XIRP2: variants seen among roughly 807,000 people sequenced by gnomAD.
XIRP2 encodes the protein xin actin binding repeat containing 2.
In XIRP2, 236 loss-of-function variants were observed where a neutral mutation model predicts 277.0. The observed-to-expected ratio is 0.85, with a 90% CI of 0.77 to 0.95. XIRP2 has a LOEUF of 0.95. Among genes scored for constraint, XIRP2 ranks in the 40% least tolerant of loss-of-function variants. XIRP2 has a pLI of 0.00. For missense variants in XIRP2, 4,640 were observed against 4,157.5 expected (o/e 1.12, Z -3.19); for synonymous variants, 1,490 against 1,416.5 (o/e 1.05, Z -1.17).
intron 3 of XIRP2, among the ~76,000 whole-genome samples, chr2:167,201,246 GAAAGAA>G (rs1693698399): frequency 2.1e-5 from 2 of 96,720 alleles, no homozygotes; most frequent in Non-Finnish European, 3.7e-5. Flanking sequence ...AAGAAAGAAA[GAAAGAA>G]AGAAAGAAAG....
chr2:167,083,861 A>G (rs577078385), intron 2 of XIRP2, among the ~76,000 whole-genome samples: 15 of 152,074 alleles, frequency 9.9e-5, no homozygotes, highest in African/African-American at 3.6e-4. Flanking sequence ...GTGGTTTTCT[A>G]GATATACAAT....
At chr2:166,955,468 T>C (rs1421326354) in intron 2 of XIRP2, among the ~76,000 whole-genome samples, 1 of 151,612 alleles carries the variant, frequency 6.6e-6, no homozygotes. Flanking sequence ...TTGAGGGGGG[T>C]GAGGGAAATG....
chr2:167,047,953 A>G (rs1239308243), intron 2 of XIRP2, among the ~76,000 whole-genome samples: 3 of 151,948 alleles, frequency 2.0e-5, no homozygotes, highest in Non-Finnish European at 4.4e-5. Context: ...AACCAAACTC[A>G]CCTCAATATT....
At chr2:167,149,559 G>A (rs917414811) in intron 3 of XIRP2, among the ~76,000 whole-genome samples, 4 of 151,990 alleles carry the variant, frequency 2.6e-5, no homozygotes, top group Admixed American at 2.6e-4. Context: ...TAGTACTTAG[G>A]CAATAGTCTG....
chr2:166,975,810 C>T (rs1686698970), intron 2 of XIRP2, among the ~76,000 whole-genome samples: 1 of 151,588 alleles, frequency 6.6e-6, no homozygotes, highest in East Asian at 2.0e-4. Context: ...CCTGTAGTCC[C>T]AGCTACTCGG....
intron 3 of XIRP2, among the ~76,000 whole-genome samples, chr2:167,155,935 C>T (rs542214866): frequency 6.7e-6 from 1 of 150,184 alleles, no homozygotes; most frequent in Non-Finnish European, 1.5e-5. Context: ...AAATCACAAG[C>T]ATTCTTATAC....
At position 167,250,614 on chromosome 2, in the gene XIRP2, T is replaced by C. The variant is rs534488626; in HGVS notation, c.9222T>C (p.Ile3074=). 1.9e-5 allele frequency: 31 copies of C among 1,612,998 alleles called. No individual in the cohort carries two copies. The East Asian group carries it at 6.5e-4, about 34-fold the overall frequency. ...ATAGTGAACAGAAAGAAAATAAAAT[T>C]GCCAAAGAGAAAACAGTACAGCACC... ...NKNSEQKENK[I]AKEKTVQHQV... The change falls in exon 9 of 11, where the codon ATT becomes ATC. Residue 3074 remains isoleucine, a synonymous_variant. Coordinates refer to ENST00000409195, the MANE Select transcript of XIRP2 (RefSeq NM_152381.6).
At chr2:167,012,729 C>T (rs1326968610) in intron 2 of XIRP2, among the ~76,000 whole-genome samples, 1 of 151,580 alleles carries the variant, frequency 6.6e-6, no homozygotes, top group Non-Finnish European at 1.5e-5. Context: ...TCATATGCCT[C>T]TCCTTTTAGT....
At chr2:166,968,998 T>A (rs982095159) in intron 2 of XIRP2, among the ~76,000 whole-genome samples, 4 of 151,946 alleles carry the variant, frequency 2.6e-5, no homozygotes, top group Non-Finnish European at 5.9e-5. Context: ...AGGCCAATGT[T>A]TGTGTCAAGA....
At chr2:166,983,523 A>G (rs544197312) in intron 2 of XIRP2, among the ~76,000 whole-genome samples, 1 of 152,290 alleles carries the variant, frequency 6.6e-6, no homozygotes, top group Non-Finnish European at 1.5e-5. Context: ...GGTATGCTAT[A>G]GACACTTAAT....
intron 3 of XIRP2, among the ~76,000 whole-genome samples, chr2:167,168,320 TA>T (rs1692582935): frequency 6.6e-6 from 1 of 152,190 alleles, no homozygotes; most frequent in Non-Finnish European, 1.5e-5. Context: ...TTATTTCAAA[TA>T]TTTTTTCTGT....
At position 167,175,168 on chromosome 2, in the gene XIRP2, A is replaced by T. The variant is rs571071436; in HGVS notation, c.563-35567A>T. Among the ~76,000 whole-genome samples the T allele has an allele frequency of 9.2e-5, 14 of 152,156 alleles. 1 individual carries two copies. The East Asian group carries it at 2.7e-3, about 29-fold the overall frequency. On this transcript the variant is annotated intron_variant, in intron 3 of 10. Transcript: ENST00000409195. ...TTTCTGTCTCGTTGATCTGTCTACT[A>T]TTGACAGTGGGGTGCTAAATTCTCC...
chr2:167,119,158 G>T (rs1690979397), intron 2 of XIRP2, among the ~76,000 whole-genome samples: 1 of 152,128 alleles, frequency 6.6e-6, no homozygotes, highest in Admixed American at 6.6e-5. Context: ...GGAGACAGTG[G>T]TAGTAGATGA....
At chr2:167,060,793 A>G (rs1209334426) in intron 2 of XIRP2, among the ~76,000 whole-genome samples, 1 of 152,146 alleles carries the variant, frequency 6.6e-6, no homozygotes, top group East Asian at 1.9e-4. Flanking sequence ...TTGAATTCAG[A>G]TAGGGTAAGT....
chr2:167,006,459 A>T (rs774408134), intron 2 of XIRP2, among the ~76,000 whole-genome samples: 2 of 151,576 alleles, frequency 1.3e-5, no homozygotes, highest in African/African-American at 2.4e-5. Context: ...TTTCTTTTTC[A>T]AGACTGTTGT....
intron 2 of XIRP2, among the ~76,000 whole-genome samples, chr2:167,026,927 G>T (rs554062225): frequency 4.6e-5 from 7 of 152,144 alleles, no homozygotes; most frequent in African/African-American, 1.2e-4. Flanking sequence ...CTCTCTGGCT[G>T]CCCTTAACAT....
chr2:167,059,139 C>T (rs2105237561), intron 2 of XIRP2, among the ~76,000 whole-genome samples: 1 of 122,052 alleles, frequency 8.2e-6, no homozygotes, highest in East Asian at 2.4e-4. Context: ...CAGAGTCCTG[C>T]TCTGTCACCC....
At chr2:166,910,511 T>C (rs1268712321) in intron 2 of XIRP2, among the ~76,000 whole-genome samples, 1 of 152,184 alleles carries the variant, frequency 6.6e-6, no homozygotes, top group Admixed American at 6.5e-5. Flanking sequence ...CTTTTCTTCT[T>C]TATTAGTCTT....
intron 2 of XIRP2, among the ~76,000 whole-genome samples, chr2:167,033,724 A>G (rs768859814): frequency 6.6e-6 from 1 of 152,194 alleles, no homozygotes. Flanking sequence ...AGAGAATGGC[A>G]TGACATATAT....
Sources: allele counts gnomAD v4.1 joint callset (sites outside exome capture counted in the v4.1 genomes callset), GRCh38; gene constraint gnomAD v4.1.1; transcripts MANE v1.5; gene names NCBI Gene and HGNC (gene_info 2026-07-23, HGNC 2026-07-21).